The following TENM3 variants were observed in gnomAD, a reference collection of about 807,000 sequenced individuals.
The protein encoded by TENM3 is teneurin-3.
TENM3 carries 63 observed loss-of-function variants against 255.1 expected under a neutral mutation model. That is an observed-to-expected ratio of 0.25 (90% CI 0.20 to 0.30). The LOEUF (loss-of-function observed/expected upper bound fraction) is 0.30, where lower values mean the gene tolerates loss of function less well. Among genes scored for constraint, TENM3 ranks in the 10% least tolerant of loss-of-function variants. The pLI, the probability that TENM3 is intolerant of heterozygous loss-of-function variation, is 1.00. For missense variants in TENM3, 2,929 were observed against 3,461.1 expected (o/e 0.85, Z 3.86); for synonymous variants, 1,306 against 1,322.3 (o/e 0.99, Z 0.27).
intron 13 of TENM3, among the ~76,000 whole-genome samples, chr4:182,723,461 A>C (rs1282715040): frequency 6.6e-6 from 1 of 152,232 alleles, no homozygotes; most frequent in African/African-American, 2.4e-5. Flanking sequence ...AGTGGGTATC[A>C]ATTATCTTTT....
chr4:182,004,900 C>T, the TENM3 span, among the ~76,000 whole-genome samples: 5 of 152,110 alleles, frequency 3.3e-5, no homozygotes, highest in Non-Finnish European at 5.9e-5. Context: ...ATATCCTTTA[C>T]CCCCTTCTTG....
At chr4:182,097,753 G>A in the TENM3 span, among the ~76,000 whole-genome samples, 3 of 152,124 alleles carry the variant, frequency 2.0e-5, no homozygotes, top group Non-Finnish European at 2.9e-5. Flanking sequence ...TACTTATTAT[G>A]TGCCAAGTTC....
chr4:181,532,767 ATAAATGGCTAT>A, the TENM3 span, among the ~76,000 whole-genome samples: 22 of 152,198 alleles, frequency 1.4e-4, no homozygotes, highest in Non-Finnish European at 2.8e-4. Flanking sequence ...AAGAATGACC[ATAAATGGCTAT>A]ATAGTTTTTT....
At chr4:181,712,505 G>A in the TENM3 span, among the ~76,000 whole-genome samples, 1 of 152,104 alleles carries the variant, frequency 6.6e-6, no homozygotes, top group Non-Finnish European at 1.5e-5. Context: ...CCAGTATCAT[G>A]CTTCCTGTAC....
chr4:182,456,702 G>A (rs1773899301), intron 3 of TENM3, among the ~76,000 whole-genome samples: 3 of 152,134 alleles, frequency 2.0e-5, no homozygotes, highest in African/African-American at 7.2e-5. Context: ...TCTTTAAGAT[G>A]ATAATTTAGA....
At chr4:182,519,672 A>C (rs748415922) in intron 3 of TENM3, among the ~76,000 whole-genome samples, 1 of 152,202 alleles carries the variant, frequency 6.6e-6, no homozygotes, top group African/African-American at 2.4e-5. Context: ...AGCACAGTAC[A>C]TCTCTTCAAA....
chr4:182,486,243 T>C (rs974705465), intron 3 of TENM3, among the ~76,000 whole-genome samples: 9 of 123,104 alleles, frequency 7.3e-5, no homozygotes, highest in African/African-American at 2.5e-4. Context: ...AAATAAACTT[T>C]TAAAAAGATT....
the TENM3 span, among the ~76,000 whole-genome samples, chr4:181,763,175 C>G: frequency 6.6e-6 from 1 of 152,078 alleles, no homozygotes; most frequent in Non-Finnish European, 1.5e-5. Context: ...GCTAAACTAC[C>G]ATTACAACAA....
At chr4:182,698,053 G>A (rs2309764) in intron 12 of TENM3, 71,633 of 151,876 alleles carry the variant, frequency 0.47, 17,435 homozygotes, top group East Asian at 0.79. Flanking sequence ...CTTGGGTTCC[G>A]CTTCCTTGCA....
chr4:182,299,376 G>A, intron 1 of TENM3, among the ~76,000 whole-genome samples: 1 of 152,146 alleles, frequency 6.6e-6, no homozygotes, highest in Non-Finnish European at 1.5e-5. Flanking sequence ...TGGAGCAAGT[G>A]GGGAAAGGAA....
At chr4:182,240,619 G>A (rs1757189908), upstream of TENM3, among the ~76,000 whole-genome samples, 1 of 152,330 alleles carries the variant, frequency 6.6e-6, no homozygotes, top group African/African-American at 2.4e-5. Flanking sequence ...GCATGTGGGT[G>A]ATTACCATCA....
chr4:181,973,187 GT>G, the TENM3 span, among the ~76,000 whole-genome samples: 14 of 152,174 alleles, frequency 9.2e-5, no homozygotes, highest in Non-Finnish European at 1.5e-4. Context: ...AACATATGCA[GT>G]AAAATTCTAA....
At position 182,237,304 on chromosome 4, in the gene TENM3, G is replaced by A. The variant is rs553097925; in HGVS notation, c.-75-86642G>A. Among the ~76,000 whole-genome samples, 4 of 152,074 alleles carry A rather than the reference G, an allele frequency of 2.6e-5. No homozygotes were observed. The East Asian group carries it at 7.7e-4, about 29-fold the overall frequency. ...CTTTGCTATTGTGAATAGTGCTGCA[G>A]TAAACATACATATGCATGTATCTTT... On this transcript the variant is annotated intron_variant, in intron 1 of 2. Coordinates refer to the TENM3 transcript ENST00000512480.
chr4:182,100,814 TATATACAC>T, the TENM3 span, among the ~76,000 whole-genome samples: 39 of 14,190 alleles, frequency 2.7e-3, 2 homozygotes, highest in Non-Finnish European at 4.7e-3. Context: ...TATACACATA[TATATACAC>T]ATATATATAT....
the TENM3 span, among the ~76,000 whole-genome samples, chr4:181,743,721 G>A: frequency 3.9e-5 from 6 of 152,118 alleles, no homozygotes; most frequent in African/African-American, 1.4e-4. Context: ...TTTCATCTAT[G>A]TAAGATGGGG....
the TENM3 span, among the ~76,000 whole-genome samples, chr4:181,464,738 G>A: frequency 6.6e-6 from 1 of 152,006 alleles, no homozygotes; most frequent in East Asian, 1.9e-4. Context: ...ATCACCTGAG[G>A]TCAGGAGTTT....
intron 1 of TENM3, among the ~76,000 whole-genome samples, chr4:182,194,701 C>G (rs1561185727): frequency 6.6e-6 from 1 of 152,114 alleles, no homozygotes; most frequent in Non-Finnish European, 1.5e-5. Flanking sequence ...GAAAATGTAA[C>G]CCTGTGATGG....
chr4:182,576,634 A>T (rs559134854), intron 3 of TENM3, among the ~76,000 whole-genome samples: 103 of 152,314 alleles, frequency 6.8e-4, no homozygotes, highest in Non-Finnish European at 1.2e-3. Context: ...AAAGCTAATC[A>T]ATTTATTCTG....
intron 13 of TENM3, among the ~76,000 whole-genome samples, chr4:182,716,267 C>T (rs1759160834): frequency 6.6e-6 from 1 of 152,182 alleles, no homozygotes; most frequent in African/African-American, 2.4e-5. Flanking sequence ...GGCTGCAGGA[C>T]CAAGTCTGCA....
Sources: allele counts gnomAD v4.1 joint callset (sites outside exome capture counted in the v4.1 genomes callset), GRCh38; gene constraint gnomAD v4.1.1; transcripts MANE v1.5; gene names NCBI Gene and HGNC (gene_info 2026-07-23, HGNC 2026-07-21).